The following USH1C variants were observed in gnomAD, a reference collection of about 807,000 sequenced individuals.
USH1C encodes the protein USH1 protein network component harmonin.
A neutral mutation model predicts 119.3 loss-of-function variants in USH1C; 90 were observed. That is an observed-to-expected ratio of 0.75 (90% CI 0.64 to 0.90). The LOEUF is 0.90. USH1C is among the 40% of genes least tolerant of loss of function. The pLI, the probability that USH1C is intolerant of heterozygous loss-of-function variation, is 0.00. For missense variants in USH1C, 1,165 were observed against 1,167.7 expected (o/e 1.00, Z 0.03); for synonymous variants, 465 against 443.3 (o/e 1.05, Z -0.62).
At chr11:17,497,542 T>A (rs138924623) in intron 24 of USH1C, among the ~76,000 whole-genome samples, 6 of 152,324 alleles carry the variant, frequency 3.9e-5, no homozygotes, top group Admixed American at 2.0e-4. Flanking sequence ...CTTCTCCACA[T>A]CCCTTCATGT....
intron 8 of USH1C, among the ~76,000 whole-genome samples, chr11:17,525,866 G>T (rs935001219): frequency 1.3e-5 from 2 of 152,166 alleles, no homozygotes; most frequent in Non-Finnish European, 2.9e-5. Context: ...GGCCCTAAAG[G>T]CCTGTCATGA....
chr11:17,506,595 T>C (rs1162137625), intron 18 of USH1C, among the ~76,000 whole-genome samples: 2 of 152,208 alleles, frequency 1.3e-5, no homozygotes, highest in Non-Finnish European at 2.9e-5. Flanking sequence ...TTTTCAGCCT[T>C]ATCTCTCACT....
chr11:17,496,993 G>A, intron 24 of USH1C, 180 bp from the exon 25 acceptor site: 1 of 623,710 alleles, frequency 1.6e-6, no homozygotes, highest in Non-Finnish European at 2.8e-6. Context: ...TAGTCTCTGA[G>A]GCTTCGGGAC....
intron 20 of USH1C, among the ~76,000 whole-genome samples, chr11:17,502,740 T>C (rs1849494996): frequency 6.6e-6 from 1 of 152,044 alleles, no homozygotes; most frequent in African/African-American, 2.4e-5. Flanking sequence ...GAACACACAG[T>C]GAGGTAGTCC....
In USH1C at chr11:17,531,408, C is replaced by G. The variant is rs148597739; in HGVS notation, c.239G>C (p.Arg80Pro). 1.2e-6 allele frequency: 2 copies of G among 1,613,868 alleles called. No homozygotes were observed. The highest frequency in any genetic ancestry group is 1.7e-6 in the Non-Finnish European group (2 of 1,179,888). Residue 80 changes from arginine (R) to proline (P), a missense_variant, in exon 3 of 27, where the codon CGG becomes CCG. Arg to Pro is a moderately radical substitution (Grantham distance 103). Coordinates refer to ENST00000005226, the MANE Select transcript of USH1C (RefSeq NM_153676.4). The surrounding 1 kb of genome is among the most constrained non-coding windows in gnomAD (Gnocchi z 4.2). ...HQVEYDQLTP[R>P]RSRKLKEVRL... Reference sequence around the variant, plus strand: ...GTGGCTTCCTCTGCACCTGGAGCGCCGGGGGGTCAGCTGATCATATTCCAC... The same window carrying G: ...GTGGCTTCCTCTGCACCTGGAGCGCGGGGGGGTCAGCTGATCATATTCCAC...
chr11:17,541,166 C>G (rs1378555758), intron 1 of USH1C, among the ~76,000 whole-genome samples: 1 of 152,174 alleles, frequency 6.6e-6, no homozygotes, highest in African/African-American at 2.4e-5. Context: ...TCGTGACTGC[C>G]TACCTTGTCA....
intron 1 of USH1C, among the ~76,000 whole-genome samples, chr11:17,540,641 G>A (rs941308094): frequency 3.9e-5 from 6 of 152,226 alleles, no homozygotes; most frequent in East Asian, 1.9e-4. Flanking sequence ...AACCTGCTCC[G>A]TCTCCACCAA....
intron 18 of USH1C, among the ~76,000 whole-genome samples, chr11:17,508,398 A>G (rs1375775793): frequency 6.6e-6 from 1 of 152,128 alleles, no homozygotes; most frequent in African/African-American, 2.4e-5. Flanking sequence ...CCTGCTCTCC[A>G]CGCAGGAACT....
At chr11:17,536,987 G>A (rs889044685) in intron 1 of USH1C, among the ~76,000 whole-genome samples, 1 of 152,180 alleles carries the variant, frequency 6.6e-6, no homozygotes, top group Non-Finnish European at 1.5e-5. Context: ...ATCTCAGAAA[G>A]ACTCAGAAAG....
At chr11:17,525,712 T>C (rs1283942901) in intron 8 of USH1C, among the ~76,000 whole-genome samples, 1 of 152,184 alleles carries the variant, frequency 6.6e-6, no homozygotes, top group African/African-American at 2.4e-5. Context: ...AACAAGTTAA[T>C]AAGTGACAAG....
At chr11:17,516,435 C>G in intron 14 of USH1C, 145 bp from the exon 15 acceptor site, 1 of 807,794 alleles carries the variant, frequency 1.2e-6, no homozygotes, top group East Asian at 2.7e-5. Context: ...AAACTGCACC[C>G]TCTGTCCAAC....
chr11:17,543,270 C>T (rs1851548886), intron 1 of USH1C, among the ~76,000 whole-genome samples: 1 of 152,242 alleles, frequency 6.6e-6, no homozygotes, highest in Non-Finnish European at 1.5e-5. Context: ...GCTCAGCTCT[C>T]AAACCAGGAA....
chr11:17,533,905 A>C (rs1592029719), intron 1 of USH1C: 6 of 333,496 alleles, frequency 1.8e-5, no homozygotes, highest in African/African-American at 4.3e-5. Flanking sequence ...TTTCATGGCC[A>C]CTCCTTCCCC....
At chr11:17,503,379 A>G (rs1450704550) in intron 20 of USH1C, among the ~76,000 whole-genome samples, 1 of 152,146 alleles carries the variant, frequency 6.6e-6, no homozygotes, top group Non-Finnish European at 1.5e-5. Context: ...GATGGCAGGT[A>G]CTTGTGTTTT....
chr11:17,540,590 T>C (rs960895094), intron 1 of USH1C, among the ~76,000 whole-genome samples: 2 of 152,168 alleles, frequency 1.3e-5, no homozygotes, highest in African/African-American at 4.8e-5. Context: ...GCATTCGAAG[T>C]GGAACGCTAG....
intron 1 of USH1C, among the ~76,000 whole-genome samples, chr11:17,540,622 G>A (rs906774374): frequency 1.3e-5 from 2 of 152,174 alleles, no homozygotes; most frequent in Admixed American, 6.5e-5. Context: ...CTCCTGCTCC[G>A]TCTCCACCAA....
chr11:17,496,093 A>C (rs908802009), intron 25 of USH1C, among the ~76,000 whole-genome samples: 25 of 152,172 alleles, frequency 1.6e-4, no homozygotes, highest in African/African-American at 5.8e-4. Flanking sequence ...AAACAGGAAG[A>C]AAGAATAGGA....
chr11:17,510,201 G>A (rs1194053090), intron 17 of USH1C, among the ~76,000 whole-genome samples: 5 of 152,194 alleles, frequency 3.3e-5, no homozygotes, highest in Non-Finnish European at 2.9e-5. Context: ...GGGACTTAGA[G>A]ATCACTCTGG....
intron 4 of USH1C, among the ~76,000 whole-genome samples, chr11:17,530,894 A>G (rs1447233107): frequency 6.6e-6 from 1 of 152,216 alleles, no homozygotes; most frequent in East Asian, 1.9e-4. Flanking sequence ...GGGGAAGTGC[A>G]GCGGCAGCAG....
Sources: allele counts gnomAD v4.1 joint callset (sites outside exome capture counted in the v4.1 genomes callset), GRCh38; gene constraint gnomAD v4.1.1; non-coding constraint Gnocchi (gnomAD v3.1); transcripts MANE v1.5; gene names NCBI Gene and HGNC (gene_info 2026-07-23, HGNC 2026-07-21).